Variants in CDK14 observed in about 807,000 individuals in gnomAD.
The protein encoded by CDK14 is cyclin-dependent kinase 14.
A neutral mutation model predicts 60.7 loss-of-function variants in CDK14; 34 were observed. The ratio of observed to expected loss-of-function variants is 0.56; its 90% CI spans 0.43 to 0.75. The LOEUF is 0.75. Among genes scored for constraint, CDK14 ranks in the 30% least tolerant of loss-of-function variants. The pLI, the probability that CDK14 is intolerant of heterozygous loss-of-function variation, is 0.00. For missense variants in CDK14, 482 were observed against 564.1 expected, an observed-to-expected ratio of 0.85 and a Z score of 1.47; for synonymous variants, 197 against 203.7, an observed-to-expected ratio of 0.97 and a Z score of 0.28.
chr7:90,799,994 T>A (rs1788577807), intron 5 of CDK14, among the ~76,000 whole-genome samples: 1 of 152,066 alleles, frequency 6.6e-6, no homozygotes, highest in South Asian at 2.1e-4. Flanking sequence ...ACAAATAGAT[T>A]CAACACAATA....
At chr7:90,796,961 T>C (rs774416816) in intron 5 of CDK14, among the ~76,000 whole-genome samples, 5 of 151,874 alleles carry the variant, frequency 3.3e-5, no homozygotes, top group Admixed American at 2.0e-4. Flanking sequence ...ATTTCTCTTA[T>C]GTTGTACAGT....
chr7:91,136,570 T>A (rs974044919), intron 14 of CDK14, among the ~76,000 whole-genome samples: 6 of 152,286 alleles, frequency 3.9e-5, no homozygotes, highest in African/African-American at 1.4e-4. Context: ...TTAACACATT[T>A]TATATATATA....
At chr7:91,039,004 C>G (rs1168225699) in intron 10 of CDK14, among the ~76,000 whole-genome samples, 1 of 152,140 alleles carries the variant, frequency 6.6e-6, no homozygotes, top group Non-Finnish European at 1.5e-5. Flanking sequence ...CAGGGGTGTT[C>G]CCAGAAGACA....
chr7:90,864,470 T>C (rs1052658861), intron 6 of CDK14, among the ~76,000 whole-genome samples: 1 of 152,150 alleles, frequency 6.6e-6, no homozygotes, highest in African/African-American at 2.4e-5. Context: ...CATATTTCAG[T>C]TAAATCTAGA....
chr7:91,201,007 T>C (rs1268281790), intron 14 of CDK14, among the ~76,000 whole-genome samples: 1 of 152,148 alleles, frequency 6.6e-6, no homozygotes, highest in Non-Finnish European at 1.5e-5. Context: ...GTTATCCTAA[T>C]TTTTTCATTA....
chr7:90,706,161 G>A lies in CDK14; in HGVS notation c.124-20406G>A, dbSNP rs188766825. Among the ~76,000 whole-genome samples the A allele has an allele frequency of 2.6e-5, 4 of 151,986 alleles. No individual in the cohort carries two copies. The East Asian group carries it at 7.7e-4, about 29-fold the overall frequency. On this transcript the variant is annotated intron_variant, in intron 2 of 14. Transcript: ENST00000380050. ...TAACCTCTACTGTTGTTCTTTTATG[G>A]CATAGTTTCAGACATCTCAATGGCC...
intron 2 of CDK14, among the ~76,000 whole-genome samples, chr7:90,696,602 T>C (rs1228728214): frequency 6.6e-6 from 1 of 152,100 alleles, no homozygotes; most frequent in Non-Finnish European, 1.5e-5. Context: ...AGATTCCTAT[T>C]ATGTATCCTA....
intron 2 of CDK14, among the ~76,000 whole-genome samples, chr7:90,708,073 C>A (rs1252983684): frequency 1.3e-5 from 2 of 152,142 alleles, no homozygotes; most frequent in Non-Finnish European, 2.9e-5. Context: ...AGGGGATTGC[C>A]TAAGAAGAAC....
At chr7:90,806,854 G>T (rs143808763) in intron 5 of CDK14, among the ~76,000 whole-genome samples, 1 of 151,860 alleles carries the variant, frequency 6.6e-6, no homozygotes, top group Non-Finnish European at 1.5e-5. Context: ...CTACACCCGC[G>T]GAGCCTCACT....
intron 7 of CDK14, among the ~76,000 whole-genome samples, chr7:90,908,071 T>C (rs952831816): frequency 6.6e-6 from 1 of 152,154 alleles, no homozygotes; most frequent in Non-Finnish European, 1.5e-5. Context: ...TTAAAGAATA[T>C]TTTAAAAATT....
chr7:90,802,170 A>G (rs1788664196), intron 5 of CDK14, among the ~76,000 whole-genome samples: 1 of 152,236 alleles, frequency 6.6e-6, no homozygotes, highest in African/African-American at 2.4e-5. Context: ...TAATGATTTC[A>G]AAATTAACAA....
chr7:90,636,305 T>C (rs1800147762), intron 2 of CDK14, among the ~76,000 whole-genome samples: 3 of 152,210 alleles, frequency 2.0e-5, no homozygotes, highest in Admixed American at 6.5e-5. Context: ...TTGAAATACG[T>C]CCCATCAATA....
At chr7:91,014,349 A>G (rs187944899) in intron 10 of CDK14, among the ~76,000 whole-genome samples, 11 of 152,298 alleles carry the variant, frequency 7.2e-5, no homozygotes, top group Non-Finnish European at 1.2e-4. Context: ...ACATTTTATT[A>G]TAGACAAGAG....
chr7:90,843,029 A>T (rs763135534), intron 5 of CDK14, among the ~76,000 whole-genome samples: 4 of 152,226 alleles, frequency 2.6e-5, no homozygotes, highest in African/African-American at 4.8e-5. Flanking sequence ...TATTGTGCTT[A>T]TAAGAAATGT....
At chr7:91,091,517 A>ATATATATATATATATATATATATATAT (rs1562900714) in intron 12 of CDK14, among the ~76,000 whole-genome samples, 1 of 141,394 alleles carries the variant, frequency 7.1e-6, no homozygotes, top group African/African-American at 2.7e-5. Context: ...ATATATATAT[A>ATATATATATATATATATATATATATAT]AATTAGCCAG....
intron 2 of CDK14, among the ~76,000 whole-genome samples, chr7:90,659,119 T>G (rs1800810628): frequency 6.6e-6 from 1 of 152,264 alleles, no homozygotes; most frequent in Non-Finnish European, 1.5e-5. Flanking sequence ...CAGTCTTTCC[T>G]CTTATGTCTT....
intron 11 of CDK14, among the ~76,000 whole-genome samples, chr7:91,050,851 A>G (rs1797371165): frequency 6.6e-6 from 1 of 152,202 alleles, no homozygotes; most frequent in Admixed American, 6.5e-5. Flanking sequence ...AGGGAGCGAA[A>G]GAGAAGAGAG....
At chr7:90,860,370 A>G (rs1790966058) in intron 5 of CDK14, among the ~76,000 whole-genome samples, 1 of 152,000 alleles carries the variant, frequency 6.6e-6, no homozygotes, top group Non-Finnish European at 1.5e-5. Flanking sequence ...TATTTTTCAC[A>G]ATTATTATAA....
chr7:91,002,408 T>G (rs1029534558), intron 10 of CDK14, among the ~76,000 whole-genome samples: 1 of 152,246 alleles, frequency 6.6e-6, no homozygotes, highest in Admixed American at 6.5e-5. Context: ...CTGAATGTAT[T>G]ACCTCCATTA....
Sources: gnomAD v4.1 joint callset for allele counts (sites outside exome capture counted in the v4.1 genomes callset) on GRCh38, gnomAD v4.1.1 for gene constraint, MANE v1.5 for transcripts, NCBI Gene and HGNC (gene_info 2026-07-23, HGNC 2026-07-21) for gene names.